Variants in TMC2 observed in about 807,000 individuals in gnomAD.
The protein encoded by TMC2 is transmembrane channel like 2, also known as transmembrane channel-like protein 2.
In TMC2, 102 loss-of-function variants were observed where a neutral mutation model predicts 105.9. The ratio of observed to expected loss-of-function variants is 0.96; its 90% CI spans 0.82 to 1.14. The LOEUF (loss-of-function observed/expected upper bound fraction) is 1.14. Ranked by LOEUF, TMC2 falls within the 50% of genes most tolerant of loss-of-function variation. TMC2 has a pLI of 0.00. For missense variants in TMC2, 1,093 were observed against 1,134.3 expected, an observed-to-expected ratio of 0.96 and a Z score of 0.52; for synonymous variants, 402 against 422.8, an observed-to-expected ratio of 0.95 and a Z score of 0.60.
chr20:2,594,225 C>CTT lies in TMC2; in HGVS notation c.934-581_934-580dup, dbSNP rs565664102. ...CCAACTATACTGTTACTAAGGATTC[C>CTT]TTTTTTTTTTTTTTTTTTTTGAGAC... On this transcript the variant is annotated intron_variant, in intron 8 of 19. Coordinates refer to ENST00000358864, the MANE Select transcript of TMC2 (RefSeq NM_080751.3). Among the ~76,000 whole-genome samples the CTT allele has an allele frequency of 5.1e-4, 58 of 113,764 alleles. 1 individual carries two copies. The highest frequency in any genetic ancestry group is 9.4e-4 in the South Asian group (3 of 3,202). 74.6% of individuals were successfully genotyped at this position (113,764 alleles called of 152,430 possible).
At chr20:2,618,470 G>A (rs1211611526) in intron 16 of TMC2, 1 of 152,138 alleles carries the variant, frequency 6.6e-6, no homozygotes, top group Non-Finnish European at 1.5e-5. Context: ...GATAAGTAAT[G>A]GTGGATATTC....
At chr20:2,624,096 G>A (rs2086546386) in intron 16 of TMC2, among the ~76,000 whole-genome samples, 175 bp from the exon 17 acceptor site, 1 of 152,224 alleles carries the variant, frequency 6.6e-6, no homozygotes, top group South Asian at 2.1e-4. Flanking sequence ...TAGCCAGAAT[G>A]GCAGCCCCTC....
At chr20:2,554,403 T>G (rs749574733) in intron 2 of TMC2, among the ~76,000 whole-genome samples, 9 of 152,220 alleles carry the variant, frequency 5.9e-5, no homozygotes, top group Non-Finnish European at 1.0e-4. Context: ...TCTCTATGAT[T>G]TCATGCTTCT....
intron 4 of TMC2, among the ~76,000 whole-genome samples, chr20:2,566,677 G>C (rs965185179): frequency 1.3e-5 from 2 of 152,144 alleles, no homozygotes; most frequent in African/African-American, 4.8e-5. Flanking sequence ...CATATTTAAA[G>C]CAAATATAAG....
At chr20:2,589,917 C>T (rs1172142932) in intron 7 of TMC2, among the ~76,000 whole-genome samples, 1 of 152,194 alleles carries the variant, frequency 6.6e-6, no homozygotes, top group East Asian at 1.9e-4. Flanking sequence ...GATCTGCCCA[C>T]CTCGGCTTCC....
chr20:2,537,365 C>T (rs746667995), intron 2 of TMC2, 49 bp downstream of exon 2: 1 of 1,490,936 alleles, frequency 6.7e-7, no homozygotes. Flanking sequence ...GCCTGGGTGC[C>T]CTCTGCTTAG....
chr20:2,589,269 CCTGTGTGTGTGTGTGTGTGT>C (rs1431949293), intron 7 of TMC2, among the ~76,000 whole-genome samples: 55 of 84,712 alleles, frequency 6.5e-4, no homozygotes, highest in Non-Finnish European at 7.6e-4. Context: ...TCCTATTTGC[CCTGTGTGTGTGTGTGTGTGT>C]GTGTGTGTGT....
intron 2 of TMC2, among the ~76,000 whole-genome samples, chr20:2,543,199 T>A (rs893040753): frequency 6.6e-6 from 1 of 151,820 alleles, no homozygotes; most frequent in Admixed American, 6.5e-5. Flanking sequence ...ATCTTACCAC[T>A]GCACTCCAGC....
rs139833028 is a variant in TMC2, at chr20:2,564,709, C to T, written c.554+2699C>T. On this transcript the variant is annotated intron_variant, in intron 4 of 19. Coordinates refer to ENST00000358864, the MANE Select transcript of TMC2 (RefSeq NM_080751.3). Reference sequence around the variant, plus strand: ...AGCTGCCAGAGGAGAAATCTGACATCTCCTTCCTGCCTCTGAGGGGCAGAG... The same window carrying T: ...AGCTGCCAGAGGAGAAATCTGACATTTCCTTCCTGCCTCTGAGGGGCAGAG... Among the ~76,000 whole-genome samples the T allele has an allele frequency of 2.5e-3, 386 of 152,292 alleles. 1 individual carries two copies. The highest frequency in any genetic ancestry group is 8.6e-3 in the African/African-American group (357 of 41,556).
chr20:2,625,993 C>T (rs1439701640), intron 17 of TMC2, among the ~76,000 whole-genome samples: 2 of 151,948 alleles, frequency 1.3e-5, no homozygotes, highest in African/African-American at 4.8e-5. Flanking sequence ...ATTTGTTTTC[C>T]TCTTGTTTAT....
intron 17 of TMC2, among the ~76,000 whole-genome samples, chr20:2,626,587 A>C (rs1381032592): frequency 6.6e-6 from 1 of 152,282 alleles, no homozygotes; most frequent in East Asian, 1.9e-4. Context: ...TTCTAGAAGC[A>C]CATGTAAGAC....
chr20:2,633,120 G>A (rs748104779), intron 17 of TMC2, among the ~76,000 whole-genome samples: 6 of 152,222 alleles, frequency 3.9e-5, no homozygotes, highest in African/African-American at 7.2e-5. Flanking sequence ...GACACCTACT[G>A]ACTGGAAAGA....
chr20:2,633,903 G>T (rs1424669417), intron 17 of TMC2, among the ~76,000 whole-genome samples: 1 of 152,212 alleles, frequency 6.6e-6, no homozygotes, highest in Non-Finnish European at 1.5e-5. Context: ...ATTTGATTCT[G>T]ACAATTTTGG....
In TMC2 at chr20:2,600,113, T is replaced by A. The variant is rs917605763; in HGVS notation, c.1225-2000T>A. 2.0e-5 allele frequency among the ~76,000 whole-genome samples: 3 copies of A among 152,226 alleles called. No individual in the cohort carries two copies. The South Asian group carries it at 6.2e-4, about 32-fold the overall frequency. On this transcript the variant is annotated intron_variant, in intron 10 of 19. Transcript: ENST00000358864. ...GGTAGGGGTGACTGGGGGCTTTGAC[T>A]TTTCCTCCAGGATTGTGAGAGAGGG...
intron 16 of TMC2, among the ~76,000 whole-genome samples, chr20:2,620,077 T>C (rs2086513966): frequency 6.6e-6 from 1 of 151,566 alleles, no homozygotes; most frequent in African/African-American, 2.4e-5. Flanking sequence ...AGGCTCTGCT[T>C]CAAAAAAGAA....
chr20:2,615,804 G>A (rs190039407), intron 14 of TMC2, among the ~76,000 whole-genome samples: 20 of 152,226 alleles, frequency 1.3e-4, no homozygotes, highest in Admixed American at 8.5e-4. Context: ...TGATTAAAAC[G>A]TTGATAAAAT....
rs748098771 is a variant in TMC2 at position 2,613,233 on chromosome 20, T to C, written c.1783T>C (p.Tyr595His). The C allele has an allele frequency of 6.2e-6, 10 of 1,613,940 alleles. No homozygotes were observed. The highest frequency in any genetic ancestry group is 8.5e-6 in the Non-Finnish European group (10 of 1,179,972). Residue 595 changes from tyrosine to histidine, a missense_variant, in exon 14 of 20, where the codon TAC (tyrosine) becomes CAC (histidine). Physicochemically the swap from Tyr to His is moderately conservative, Grantham distance 83 (BLOSUM62 2). Transcript: ENST00000358864. ...GACGGTGTCTGACATGCTGGTAACG[T>C]ACATCACCATCCTGCTGGGGGACTT... is the stretch of plus-strand genomic sequence containing the variant. The part of the protein sequence containing the change: ...RLTVSDMLVT[Y>H]ITILLGDFLR...
rs769434944 is a variant in TMC2, at chr20:2,572,180, G to T, written c.556G>T (p.Glu186Ter). ...GCTTTTTTTTTTTTTTCTAAGCAGGGAGGCCCAGGAATTTGTGGAGAAGTA... is the reference window on the plus strand; with the variant it reads ...GCTTTTTTTTTTTTTTCTAAGCAGGTAGGCCCAGGAATTTGTGGAGAAGTA... ...PMAKKLTELR[E>*]AQEFVEKYEG... The change falls in exon 5 of 20, where the codon GAG becomes TAG. Residue 186 changes from glutamate (E) to a stop codon, truncating the protein, a stop_gained and splice_region_variant. Coordinates refer to ENST00000358864, the MANE Select transcript of TMC2 (RefSeq NM_080751.3). LOFTEE classifies it high-confidence loss of function. 1.9e-6 allele frequency: 3 copies of T among 1,611,250 alleles called. No individual in the cohort carries two copies. The highest frequency in any genetic ancestry group is 1.3e-5 in the African/African-American group (1 of 74,480).
chr20:2,578,917 G>A (rs776718296), intron 5 of TMC2, among the ~76,000 whole-genome samples: 6 of 152,216 alleles, frequency 3.9e-5, no homozygotes, highest in Admixed American at 2.0e-4. Context: ...AGTAAGGGGT[G>A]GCCCTCACTT....
Sources: allele counts gnomAD v4.1 joint callset (sites outside exome capture counted in the v4.1 genomes callset), GRCh38; gene constraint gnomAD v4.1.1; transcripts MANE v1.5; gene names NCBI Gene and HGNC (gene_info 2026-07-23, HGNC 2026-07-21).